The following FBP2 variants were observed in gnomAD, a reference collection of about 807,000 sequenced individuals.
The protein encoded by FBP2 is fructose-1,6-bisphosphatase isozyme 2.
Under a neutral mutation model 31.6 loss-of-function variants are expected in FBP2, and 27 were observed. That is an observed-to-expected ratio of 0.85 (90% CI 0.63 to 1.18). The LOEUF (loss-of-function observed/expected upper bound fraction) is 1.18. Ranked by LOEUF, FBP2 falls within the 50% of genes most tolerant of loss-of-function variation. FBP2 has a pLI of 0.00. For missense variants in FBP2, 421 were observed against 436.1 expected (o/e 0.97, Z 0.31); for synonymous variants, 168 against 179.8 (o/e 0.93, Z 0.53).
chr9:94,583,870 G>A (rs1235943807), intron 3 of FBP2, among the ~76,000 whole-genome samples: 1 of 152,216 alleles, frequency 6.6e-6, no homozygotes, highest in Non-Finnish European at 1.5e-5. Flanking sequence ...GCCTCCCAAA[G>A]TTCTGGGATT....
chr9:94,580,316 C>T (rs533127274), intron 3 of FBP2, among the ~76,000 whole-genome samples: 19 of 152,328 alleles, frequency 1.2e-4, no homozygotes, highest in African/African-American at 3.8e-4. Context: ...CTGCAATCAC[C>T]GCCTCCTAGG....
chr9:94,563,273 A>G (rs1235418195), intron 6 of FBP2, 69 bp downstream of exon 6: 1 of 1,555,140 alleles, frequency 6.4e-7, no homozygotes, highest in Non-Finnish European at 8.8e-7. Flanking sequence ...GCCAAACAGC[A>G]GGTGTGACGG....
Position 94,559,143 on chromosome 9 carries a change from A to AC in FBP2, c.826-12dup. The AC allele has an allele frequency of 6.2e-7, 1 of 1,605,914 alleles. No individual in the cohort carries two copies. Among genetic ancestry groups the AC allele is most frequent in the African/African-American group, 1.3e-5 (1 of 74,836 alleles). On this transcript the variant is annotated splice_polypyrimidine_tract_variant and intron_variant, in intron 6 of 6. Transcript: ENST00000375337. The stretch of plus-strand genomic sequence containing the variant: ...ATACAGGAGCCGGAGCTGTGGAGGA[A>AC]CAGAGGCAGGTGAGTAAACTCTGCA...
chr9:94,583,057 G>C (rs973897531), intron 3 of FBP2, among the ~76,000 whole-genome samples: 1 of 151,222 alleles, frequency 6.6e-6, no homozygotes, highest in Non-Finnish European at 1.5e-5. Flanking sequence ...GTTTCACCAT[G>C]TTGGCCAGGC....
chr9:94,573,865 T>C (rs1301872483), intron 3 of FBP2, among the ~76,000 whole-genome samples: 5 of 152,366 alleles, frequency 3.3e-5, no homozygotes, highest in African/African-American at 1.2e-4. Context: ...TCCTTCCTAT[T>C]ATCTTTTCTG....
At chr9:94,593,341 G>A (rs532994233) in intron 1 of FBP2, among the ~76,000 whole-genome samples, 1 of 152,326 alleles carries the variant, frequency 6.6e-6, no homozygotes, top group Admixed American at 6.5e-5. Flanking sequence ...AATTATATGT[G>A]TATTTCTTCA....
rs888200290 is a variant in FBP2, at chr9:94,559,053, G to A, written c.905C>T (p.Pro302Leu). 3.1e-6 allele frequency: 5 copies of A among 1,614,066 alleles called. No homozygotes were observed. The African/African-American group carries it at 5.3e-5, about 17-fold the overall frequency. ...AGGLATTGTQ[P>L]VLDVKPEAIH... ...TGCCTCGGGCTTCACGTCCAGTACA[G>A]GCTGGGTCCCCGTGGTCGCCAAGCC... is the stretch of plus-strand genomic sequence containing the variant. The change falls in exon 7 of 7, where the codon CCT (proline) becomes CTT (leucine). Residue 302 changes from proline (P) to leucine (L), a missense_variant. Physicochemically the swap from Pro to Leu is moderately conservative, Grantham distance 98 (BLOSUM62 -3). Coordinates refer to ENST00000375337, the MANE Select transcript of FBP2 (RefSeq NM_003837.4).
chr9:94,582,316 C>A (rs942097520), intron 3 of FBP2, among the ~76,000 whole-genome samples: 1 of 151,718 alleles, frequency 6.6e-6, no homozygotes, highest in Admixed American at 6.6e-5. Context: ...ATATTCATAG[C>A]TCCTCCTATA....
intron 4 of FBP2, 160 bp from the exon 5 acceptor site, chr9:94,567,567 G>A (rs1204846337): frequency 2.0e-5 from 15 of 751,308 alleles, no homozygotes; most frequent in Admixed American, 2.7e-5. Context: ...TTCATGAGTG[G>A]TGGGAAGAAT....
intron 6 of FBP2, 41 bp downstream of exon 6, chr9:94,563,301 T>A: frequency 6.2e-7 from 1 of 1,605,820 alleles, no homozygotes; most frequent in Non-Finnish European, 8.5e-7. Context: ...CTCCCCCACC[T>A]CCCTGACCGG....
chr9:94,567,240 T>C, intron 5 of FBP2, 30 bp downstream of exon 5: 1 of 1,613,252 alleles, frequency 6.2e-7, no homozygotes, highest in Non-Finnish European at 8.5e-7. Context: ...CAGCATTCTG[T>C]CTGCCACCCA....
At chr9:94,581,016 A>T (rs1189420628) in intron 3 of FBP2, among the ~76,000 whole-genome samples, 1 of 152,232 alleles carries the variant, frequency 6.6e-6, no homozygotes, top group East Asian at 1.9e-4. Context: ...TTAATTTATT[A>T]ATTTTGCCTC....
intron 3 of FBP2, among the ~76,000 whole-genome samples, chr9:94,579,397 C>CA (rs35098649): frequency 0.55 from 36,300 of 66,570 alleles, 10,965 homozygotes; most frequent in East Asian, 0.68. Flanking sequence ...GACTCTGTCT[C>CA]AAAAAAAAAA....
intron 1 of FBP2, among the ~76,000 whole-genome samples, chr9:94,588,308 A>G (rs551295792): frequency 1.3e-5 from 2 of 152,152 alleles, no homozygotes; most frequent in African/African-American, 2.4e-5. Flanking sequence ...CCCAAGCAGT[A>G]TAAGAGAGTG....
chr9:94,572,117 C>G (rs924452830), intron 3 of FBP2, among the ~76,000 whole-genome samples: 1 of 152,164 alleles, frequency 6.6e-6, no homozygotes, highest in Non-Finnish European at 1.5e-5. Context: ...TTCTGCCTTT[C>G]TCTCTGACTC....
At position 94,558,998 on chromosome 9, in the gene FBP2, C is replaced by A. The variant is rs1198946101; in HGVS notation, c.960G>T (p.Gly320=). 3 of 1,613,986 alleles carry A rather than the reference C, an allele frequency of 1.9e-6. No homozygotes were observed. Among genetic ancestry groups the A allele is most frequent in the Non-Finnish European group, 2.5e-6 (3 of 1,180,042 alleles). The change falls in exon 7 of 7, where the codon GGG becomes GGT. Residue 320 remains glycine, a synonymous_variant. Coordinates refer to ENST00000375337, the MANE Select transcript of FBP2 (RefSeq NM_003837.4). ...AIHQRVPLIL[G]SPEDVQEYLT... ...GATATTCCTGCACATCCTCTGGTGA[C>A]CCCAGAATGAGGGGGACTCGCTGGT...
At chr9:94,585,178 G>A (rs1381039638) in intron 2 of FBP2, among the ~76,000 whole-genome samples, 1 of 151,618 alleles carries the variant, frequency 6.6e-6, no homozygotes, top group East Asian at 1.9e-4. Flanking sequence ...CTTTGTTTCT[G>A]TTTTTTTTCC....
intron 6 of FBP2, among the ~76,000 whole-genome samples, chr9:94,559,460 A>C (rs1185995352): frequency 6.6e-6 from 1 of 152,118 alleles, no homozygotes; most frequent in East Asian, 1.9e-4. Context: ...GTTCAACAAG[A>C]AGCAAACTGA....
chr9:94,571,830 G>A (rs547750362), intron 3 of FBP2, among the ~76,000 whole-genome samples: 1 of 152,152 alleles, frequency 6.6e-6, no homozygotes, highest in Non-Finnish European at 1.5e-5. Flanking sequence ...TTTTCCAAAC[G>A]CATGTGTCTG....
Sources: allele counts gnomAD v4.1 joint callset (sites outside exome capture counted in the v4.1 genomes callset), GRCh38; gene constraint gnomAD v4.1.1; transcripts MANE v1.5; gene names NCBI Gene and HGNC (gene_info 2026-07-23, HGNC 2026-07-21).